IRF2: variants seen among roughly 807,000 people sequenced by gnomAD.
IRF2 encodes interferon regulatory factor 2.
In IRF2, 15 loss-of-function variants were observed where a neutral mutation model predicts 40.6. The ratio of observed to expected loss-of-function variants is 0.37; its 90% CI spans 0.25 to 0.57. The LOEUF (loss-of-function observed/expected upper bound fraction) is 0.57. Ranked by LOEUF, IRF2 falls within the 20% of genes least tolerant of loss-of-function variation. The pLI, the probability that IRF2 is intolerant of heterozygous loss-of-function variation, is 0.77. For missense variants in IRF2, 317 were observed against 455.7 expected (o/e 0.70, Z 2.77); for synonymous variants, 151 against 165.5 (o/e 0.91, Z 0.67).
Position 184,429,014 on chromosome 4 carries a change from G to A in IRF2, c.51C>T (p.Asn17=). ...ACTTGAGCCCCGGGATCGTGTTGGA[G>A]TTTATCTGCTCCTCCAGCCACGGGC... ...RMRPWLEEQI[N]SNTIPGLKWL... Residue 17 remains asparagine (N), a synonymous_variant, in exon 2 of 9, where the codon AAC becomes AAT. Transcript: ENST00000393593. 4.3e-6 allele frequency: 7 copies of A among 1,614,160 alleles called. No individual in the cohort carries two copies. The highest frequency in any genetic ancestry group is 5.9e-6 in the Non-Finnish European group (7 of 1,179,976).
intron 1 of IRF2, among the ~76,000 whole-genome samples, chr4:184,454,776 G>A (rs1265266139): frequency 6.6e-6 from 1 of 152,168 alleles, no homozygotes; most frequent in Non-Finnish European, 1.5e-5. Flanking sequence ...ACTTCGCCAA[G>A]CCATAGTTTC....
intron 1 of IRF2, among the ~76,000 whole-genome samples, chr4:184,460,481 A>G (rs891517020): frequency 6.6e-6 from 1 of 152,208 alleles, no homozygotes; most frequent in East Asian, 1.9e-4. Context: ...TTTGTTTTGT[A>G]AATTTTACCA....
At chr4:184,439,009 G>A (rs1214603606) in intron 1 of IRF2, among the ~76,000 whole-genome samples, 1 of 152,188 alleles carries the variant, frequency 6.6e-6, no homozygotes, top group Non-Finnish European at 1.5e-5. Context: ...TGGATGGAGG[G>A]CTAGATACGG....
In IRF2 at chr4:184,388,739, A is replaced by G; in HGVS notation, c.*19T>C. 1 of 1,584,694 alleles carries G rather than the reference A, an allele frequency of 6.3e-7. No individual in the cohort carries two copies. The highest frequency in any genetic ancestry group is 2.2e-5 in the East Asian group (1 of 44,752). ...ACAAAGCCAAGAAGCCCCAACAACC[A>G]CCGCGGAGAGTCAGAGGCTTAACAG... On this transcript the variant is annotated 3_prime_UTR_variant, in exon 9 of 9. Coordinates refer to ENST00000393593, the MANE Select transcript of IRF2 (RefSeq NM_002199.4). The surrounding 1 kb of genome is among the most constrained non-coding windows in gnomAD (Gnocchi z 4.6).
chr4:184,429,383 C>T (rs1174910472), intron 1 of IRF2, among the ~76,000 whole-genome samples: 1 of 152,208 alleles, frequency 6.6e-6, no homozygotes, highest in African/African-American at 2.4e-5. Flanking sequence ...CCCCACTGCA[C>T]TGGCCGTGTT....
chr4:184,465,823 C>G (rs1206858716), intron 1 of IRF2, among the ~76,000 whole-genome samples: 1 of 152,176 alleles, frequency 6.6e-6, no homozygotes, highest in Non-Finnish European at 1.5e-5. Flanking sequence ...CATCTTTGTT[C>G]CCATCTCTGG....
chr4:184,473,098 G>T (rs1161265886), intron 1 of IRF2, among the ~76,000 whole-genome samples: 1 of 152,062 alleles, frequency 6.6e-6, no homozygotes, highest in East Asian at 1.9e-4. Flanking sequence ...GCCGCGGCCG[G>T]CTTCACTCGG....
At chr4:184,440,737 G>A (rs1326106513) in intron 1 of IRF2, among the ~76,000 whole-genome samples, 1 of 152,204 alleles carries the variant, frequency 6.6e-6, no homozygotes, top group East Asian at 1.9e-4. Context: ...AGATCTGCGA[G>A]GCTCTTCTTT....
At chr4:184,395,522 G>T (rs1048043871) in intron 7 of IRF2, among the ~76,000 whole-genome samples, 4 of 152,028 alleles carry the variant, frequency 2.6e-5, no homozygotes, top group South Asian at 2.1e-4. Flanking sequence ...GACTCTACTG[G>T]AGAACATAAA....
chr4:184,430,394 C>T lies in IRF2; in HGVS notation c.-6-1324G>A, dbSNP rs1015901081. Among the ~76,000 whole-genome samples, 5 of 147,106 alleles carry T rather than the reference C, an allele frequency of 3.4e-5. No individual in the cohort carries two copies. In the East Asian group the frequency reaches 1.0e-3, roughly 30 times the overall value. ...TGCTGCAGACACCTCCTGCTCCGTG[C>T]TCATCCCGTGCCCTCTGCTCTTCAT... is the stretch of plus-strand genomic sequence containing the variant. On this transcript the variant is annotated intron_variant, in intron 1 of 8. Transcript: ENST00000393593.
chr4:184,388,696 A>G lies in IRF2; in HGVS notation c.*62T>C. On this transcript the variant is annotated 3_prime_UTR_variant, in exon 9 of 9. Coordinates refer to ENST00000393593, the MANE Select transcript of IRF2 (RefSeq NM_002199.4). The surrounding 1 kb of genome is among the most constrained non-coding windows in gnomAD (Gnocchi z 4.6). The stretch of plus-strand genomic sequence containing the variant: ...TAGGTGTCAGAGAGAAAAAAATAAA[A>G]TACAAACAAACAACAAAACAAAGCC... 6.6e-7 allele frequency: 1 copy of G among 1,524,800 alleles called. No individual in the cohort carries two copies. The highest frequency in any genetic ancestry group is 8.9e-7 in the Non-Finnish European group (1 of 1,127,592). 94.5% of individuals were successfully genotyped at this position (1,524,800 alleles called of 1,614,324 possible).
chr4:184,471,971 C>T (rs1270794834), intron 1 of IRF2: 2 of 152,138 alleles, frequency 1.3e-5, no homozygotes, highest in Non-Finnish European at 1.5e-5. Flanking sequence ...AGTTACAAAT[C>T]GTAACAGACA....
chr4:184,463,316 G>C (rs2310047), intron 1 of IRF2, among the ~76,000 whole-genome samples: 48,963 of 152,118 alleles, frequency 0.32, 9,571 homozygotes, highest in East Asian at 0.49. Context: ...TTCACACCTT[G>C]ATTGATTTCC....
At chr4:184,440,370 G>A (rs998489257) in intron 1 of IRF2, among the ~76,000 whole-genome samples, 25 of 152,226 alleles carry the variant, frequency 1.6e-4, no homozygotes, top group African/African-American at 3.9e-4. Flanking sequence ...TACTTACTGC[G>A]TGTCTGCTGG....
chr4:184,431,491 G>C (rs951309166), intron 1 of IRF2, among the ~76,000 whole-genome samples: 1 of 152,162 alleles, frequency 6.6e-6, no homozygotes, highest in Non-Finnish European at 1.5e-5. Context: ...CCCCTCAAAG[G>C]CTCACCCTGC....
intron 3 of IRF2, 54 bp from the exon 4 acceptor site, chr4:184,418,762 A>C: frequency 6.7e-7 from 1 of 1,488,128 alleles, no homozygotes; most frequent in South Asian, 1.2e-5. Context: ...GATACAGAGG[A>C]AGGAATTTCT....
chr4:184,418,608 A>G lies in IRF2; in HGVS notation c.288T>C (p.Asp96=). 1 of 1,614,152 alleles carries G rather than the reference A, an allele frequency of 6.2e-7. No individual in the cohort carries two copies. Reference sequence around the variant, plus strand: ...CATTATTTCCTTTCTTTATGCTTTTATCCTTGACTTCTTCAATATCAGGCA... The same window carrying G: ...CATTATTTCCTTTCTTTATGCTTTTGTCCTTGACTTCTTCAATATCAGGCA... The part of the protein sequence containing the change: ...NSLPDIEEVK[D]KSIKKGNNAF... The change falls in exon 4 of 9, where the codon GAT becomes GAC. Residue 96 remains aspartate, a synonymous_variant. Transcript: ENST00000393593.
chr4:184,414,543 C>T (rs928489692), intron 5 of IRF2, among the ~76,000 whole-genome samples: 2 of 152,192 alleles, frequency 1.3e-5, no homozygotes, highest in African/African-American at 4.8e-5. Context: ...AACCAGTTAC[C>T]GCCGCACAGG....
chr4:184,460,643 A>G (rs36098178), intron 1 of IRF2, among the ~76,000 whole-genome samples: 3,781 of 133,924 alleles, frequency 0.028, 69 homozygotes, highest in Non-Finnish European at 0.045. Flanking sequence ...GCATGCACGC[A>G]CACACACACA....
Sources: gnomAD v4.1 joint callset for allele counts (sites outside exome capture counted in the v4.1 genomes callset) on GRCh38, gnomAD v4.1.1 for gene constraint, Gnocchi (gnomAD v3.1) non-coding constraint, MANE v1.5 for transcripts, NCBI Gene and HGNC (gene_info 2026-07-23, HGNC 2026-07-21) for gene names.